Variants in CNTNAP2 observed in about 807,000 individuals in gnomAD.
The protein encoded by CNTNAP2 is contactin-associated protein-like 2.
CNTNAP2 carries 98 observed loss-of-function variants against 155.2 expected under a neutral mutation model. The ratio of observed to expected loss-of-function variants is 0.63; its 90% confidence interval spans 0.54 to 0.75. The LOEUF (loss-of-function observed/expected upper bound fraction) is 0.75, where lower values mean the gene tolerates loss of function less well. Ranked by LOEUF, CNTNAP2 falls within the 30% of genes least tolerant of loss-of-function variation. CNTNAP2 has a pLI of 0.00. For synonymous variants in CNTNAP2, 651 were observed against 631.2 expected (o/e 1.03, Z -0.47); for missense variants, 1,727 against 1,688.1 (o/e 1.02, Z -0.40).
At chr7:147,039,265 A>T (rs1463924526) in intron 3 of CNTNAP2, among the ~76,000 whole-genome samples, 1 of 152,144 alleles carries the variant, frequency 6.6e-6, no homozygotes, top group African/African-American at 2.4e-5. Context: ...TTACACAGGT[A>T]AACACTCATG....
At chr7:146,187,002 C>G (rs1186255178) in intron 1 of CNTNAP2, among the ~76,000 whole-genome samples, 2 of 152,132 alleles carry the variant, frequency 1.3e-5, no homozygotes. Context: ...CTCCACTAGC[C>G]CTGCATCTTA....
At chr7:146,210,457 C>A (rs906934594) in intron 1 of CNTNAP2, among the ~76,000 whole-genome samples, 2 of 152,084 alleles carry the variant, frequency 1.3e-5, no homozygotes, top group African/African-American at 4.8e-5. Flanking sequence ...GCATGCACCA[C>A]CATGCCCAAC....
chr7:147,713,231 T>C (rs1384829323), intron 13 of CNTNAP2, among the ~76,000 whole-genome samples: 2 of 152,094 alleles, frequency 1.3e-5, no homozygotes, highest in Non-Finnish European at 2.9e-5. Flanking sequence ...TTTCTATGAG[T>C]TCTAAGAAAT....
At chr7:147,226,724 C>G (rs914794316) in intron 8 of CNTNAP2, among the ~76,000 whole-genome samples, 3 of 152,156 alleles carry the variant, frequency 2.0e-5, no homozygotes, top group Non-Finnish European at 4.4e-5. Context: ...GAGATTTTCC[C>G]AGAACTATCC....
chr7:147,547,767 C>T (rs1261647970), intron 11 of CNTNAP2, among the ~76,000 whole-genome samples: 1 of 152,014 alleles, frequency 6.6e-6, no homozygotes, highest in Non-Finnish European at 1.5e-5. Context: ...GCACCCCACA[C>T]ACCCCAACAG....
intron 13 of CNTNAP2, among the ~76,000 whole-genome samples, chr7:147,878,337 T>C (rs1457278304): frequency 6.6e-6 from 1 of 152,100 alleles, no homozygotes; most frequent in East Asian, 1.9e-4. Context: ...TCAAATTAAT[T>C]CTTGTTCTCT....
At chr7:146,252,841 A>T (rs188894898) in intron 1 of CNTNAP2, among the ~76,000 whole-genome samples, 1 of 152,122 alleles carries the variant, frequency 6.6e-6, no homozygotes, top group South Asian at 2.1e-4. Context: ...GATCCAGTTA[A>T]TTTCCTTCTT....
chr7:148,334,275 G>A (rs1798080220), intron 21 of CNTNAP2, among the ~76,000 whole-genome samples: 1 of 152,162 alleles, frequency 6.6e-6, no homozygotes. Context: ...CTCTTGGGAA[G>A]GAATTCACTC....
At chr7:147,756,637 G>GA (rs561082370) in intron 13 of CNTNAP2, among the ~76,000 whole-genome samples, 67 of 152,058 alleles carry the variant, frequency 4.4e-4, no homozygotes, top group South Asian at 1.0e-3. Context: ...GAACTTTTAA[G>GA]AAAAAAATAC....
chr7:147,683,658 C>T (rs951795726), intron 13 of CNTNAP2, among the ~76,000 whole-genome samples: 1 of 150,506 alleles, frequency 6.6e-6, no homozygotes, highest in African/African-American at 2.4e-5. Context: ...AGATGCCTAA[C>T]TAATACATAT....
intron 2 of CNTNAP2, among the ~76,000 whole-genome samples, chr7:146,825,871 C>A (rs900237636): frequency 6.6e-6 from 1 of 152,080 alleles, no homozygotes; most frequent in Non-Finnish European, 1.5e-5. Context: ...CATTGTATAT[C>A]AAAAATTGGC....
At chr7:147,263,660 T>C (rs969794146) in intron 8 of CNTNAP2, among the ~76,000 whole-genome samples, 16 of 152,194 alleles carry the variant, frequency 1.1e-4, no homozygotes, top group Non-Finnish European at 1.0e-4. Flanking sequence ...GTCTTTTATC[T>C]CTTACATACT....
intron 1 of CNTNAP2, among the ~76,000 whole-genome samples, chr7:146,492,802 A>G (rs992250085): frequency 1.3e-5 from 2 of 152,214 alleles, no homozygotes; most frequent in Non-Finnish European, 2.9e-5. Flanking sequence ...AATATCCATC[A>G]TCTTAAACAT....
At chr7:148,301,727 T>C (rs1193126942) in intron 21 of CNTNAP2, among the ~76,000 whole-genome samples, 1 of 152,092 alleles carries the variant, frequency 6.6e-6, no homozygotes, top group Non-Finnish European at 1.5e-5. Context: ...TCTGTGCCAG[T>C]GGGATGGCCT....
chr7:148,061,958 G>GATAGATAGATAGATAGATAAACAGAT (rs1803153595), intron 15 of CNTNAP2, among the ~76,000 whole-genome samples: 11 of 29,886 alleles, frequency 3.7e-4, no homozygotes, highest in Admixed American at 9.5e-4. Context: ...AACAGATATA[G>GATAGATAGATAGATAGATAAACAGAT]ATAGATAGAT....
chr7:146,542,932 G>A (rs774771242), intron 1 of CNTNAP2, among the ~76,000 whole-genome samples: 7 of 151,834 alleles, frequency 4.6e-5, no homozygotes, highest in Non-Finnish European at 1.0e-4. Context: ...GAGTTGGGGA[G>A]ATGTTGGTCA....
chr7:148,321,938 C>G (rs1368246409), intron 21 of CNTNAP2, among the ~76,000 whole-genome samples: 7 of 151,186 alleles, frequency 4.6e-5, no homozygotes, highest in Non-Finnish European at 1.5e-5. Context: ...GCTCTGTCAC[C>G]CAGGCTAGAG....
intron 1 of CNTNAP2, among the ~76,000 whole-genome samples, chr7:146,459,048 C>T (rs997102735): frequency 6.6e-6 from 1 of 152,146 alleles, no homozygotes; most frequent in African/African-American, 2.4e-5. Flanking sequence ...CACTACTTAA[C>T]AATCAGAAGG....
intron 1 of CNTNAP2, among the ~76,000 whole-genome samples, chr7:146,424,281 C>T (rs1796055309): frequency 6.6e-6 from 1 of 152,176 alleles, no homozygotes; most frequent in Non-Finnish European, 1.5e-5. Context: ...GGATTCGGCA[C>T]ATAGCCAAAC....
Sources: gnomAD v4.1 joint callset for allele counts (sites outside exome capture counted in the v4.1 genomes callset) on GRCh38, gnomAD v4.1.1 for gene constraint, MANE v1.5 for transcripts, NCBI Gene and HGNC (gene_info 2026-07-23, HGNC 2026-07-21) for gene names.